Variants in CACNA2D2 observed in about 807,000 individuals in gnomAD.
The protein encoded by CACNA2D2 is voltage-dependent calcium channel subunit alpha-2/delta-2.
Under a neutral mutation model 166.4 loss-of-function variants are expected in CACNA2D2, and 48 were observed. That is an observed-to-expected ratio of 0.29 (90% CI 0.23 to 0.37). The LOEUF is 0.37. Ranked by LOEUF, CACNA2D2 falls within the 10% of genes least tolerant of loss-of-function variation. CACNA2D2 has a pLI of 1.00. For missense variants in CACNA2D2, 1,122 were observed against 1,433.0 expected (o/e 0.78, Z 3.50); for synonymous variants, 561 against 573.7 (o/e 0.98, Z 0.32).
At chr3:50,374,585 G>A (rs1704867933) in intron 22 of CACNA2D2, 152 bp downstream of exon 22, 8 of 716,158 alleles carry the variant, frequency 1.1e-5, no homozygotes, top group South Asian at 7.3e-5. Context: ...ACAGACTTTC[G>A]AGGTGCCCCA....
Position 50,379,208 on chromosome 3 carries a change from A to G in CACNA2D2, c.1153-9T>C. 6.2e-7 allele frequency: 1 copy of G among 1,606,338 alleles called. No individual in the cohort carries two copies. The highest frequency in any genetic ancestry group is 8.5e-7 in the Non-Finnish European group (1 of 1,173,142). On this transcript the variant is annotated splice_polypyrimidine_tract_variant and intron_variant, in intron 11 of 37. Coordinates refer to ENST00000424201, the MANE Select transcript of CACNA2D2 (RefSeq NM_006030.4). The surrounding 1 kb of genome is among the most constrained non-coding windows in gnomAD (Gnocchi z 6.5). ...GCCCGAGTGATGTTGGACTGAGGGG[A>G]GTGAGGCGGAGGCAGGCAGCTCTCA...
intron 2 of CACNA2D2, among the ~76,000 whole-genome samples, chr3:50,451,993 G>C (rs1709123830): frequency 1.3e-5 from 2 of 152,174 alleles, no homozygotes; most frequent in Non-Finnish European, 1.5e-5. Context: ...ATGCTGGGCT[G>C]CATCACCCAG....
chr3:50,483,821 G>C (rs968804555), intron 1 of CACNA2D2, among the ~76,000 whole-genome samples: 2 of 152,310 alleles, frequency 1.3e-5, no homozygotes, highest in African/African-American at 4.8e-5. Flanking sequence ...TGAGGCCTGA[G>C]CCAGTGGTGA....
chr3:50,461,687 G>A (rs1033563903), intron 2 of CACNA2D2, among the ~76,000 whole-genome samples: 34 of 151,146 alleles, frequency 2.2e-4, no homozygotes, highest in African/African-American at 7.0e-4. Flanking sequence ...CTTGAATCTG[G>A]GAGGCAGAGG....
intron 3 of CACNA2D2, among the ~76,000 whole-genome samples, chr3:50,422,504 G>A (rs1255264277): frequency 2.0e-5 from 3 of 152,156 alleles, no homozygotes; most frequent in Non-Finnish European, 4.4e-5. Context: ...CAAGTGACAG[G>A]GATCTTCCCT....
chr3:50,374,759 A>G lies in CACNA2D2; in HGVS notation c.1962T>C (p.Ser654=), dbSNP rs774570192. Residue 654 remains serine, a synonymous_variant, in exon 22 of 38, where the codon AGT becomes AGC. Coordinates refer to ENST00000424201, the MANE Select transcript of CACNA2D2 (RefSeq NM_006030.4). ...YSTFYLQANL[S]DQILQVKYFE... Reference sequence around the variant, plus strand: ...TACACTTGACCTGCAGGATCTGGTCACTGAGATTGGCTTGGAGGTAGAAGG... The same window carrying G: ...TACACTTGACCTGCAGGATCTGGTCGCTGAGATTGGCTTGGAGGTAGAAGG... 56 of 1,598,318 alleles carry G rather than the reference A, an allele frequency of 3.5e-5. No individual in the cohort carries two copies. The highest frequency in any genetic ancestry group is 4.6e-5 in the Non-Finnish European group (54 of 1,173,104).
At chr3:50,422,926 C>A (rs912119302) in intron 3 of CACNA2D2, among the ~76,000 whole-genome samples, 17 of 152,212 alleles carry the variant, frequency 1.1e-4, no homozygotes, top group Non-Finnish European at 1.8e-4. Flanking sequence ...TGCTACGCGG[C>A]CAACAGACCT....
intron 1 of CACNA2D2, among the ~76,000 whole-genome samples, chr3:50,484,135 C>G (rs535237606): frequency 6.6e-6 from 1 of 152,296 alleles, no homozygotes; most frequent in East Asian, 1.9e-4. Context: ...CTGATGGCAG[C>G]TCCCTCAGTT....
chr3:50,480,254 G>T (rs9827799), intron 1 of CACNA2D2, among the ~76,000 whole-genome samples: 1,648 of 152,292 alleles, frequency 0.011, 37 homozygotes, highest in African/African-American at 0.036. Context: ...CACTTCTGCC[G>T]CTGTGTGACC....
intron 2 of CACNA2D2, among the ~76,000 whole-genome samples, chr3:50,446,878 A>G (rs924990627): frequency 1.3e-5 from 2 of 152,188 alleles, no homozygotes; most frequent in African/African-American, 2.4e-5. Flanking sequence ...TTCGACTTGT[A>G]GGAAACCATC....
intron 1 of CACNA2D2, among the ~76,000 whole-genome samples, chr3:50,496,256 C>T (rs1698717763): frequency 6.6e-6 from 1 of 152,226 alleles, no homozygotes; most frequent in South Asian, 2.1e-4. Context: ...TATGCACATA[C>T]ACGCACACAC....
intron 1 of CACNA2D2, among the ~76,000 whole-genome samples, chr3:50,492,450 CA>C (rs1337697576): frequency 6.6e-6 from 1 of 152,254 alleles, no homozygotes; most frequent in African/African-American, 2.4e-5. Flanking sequence ...GCTGCTCCCC[CA>C]AACCCCAGGT....
intron 1 of CACNA2D2, among the ~76,000 whole-genome samples, chr3:50,494,431 T>C (rs1698644648): frequency 6.6e-6 from 1 of 152,098 alleles, no homozygotes; most frequent in African/African-American, 2.4e-5. Flanking sequence ...AGGCAGAGCA[T>C]GGGCCTCTAC....
intron 1 of CACNA2D2, among the ~76,000 whole-genome samples, chr3:50,500,449 C>T (rs976630472): frequency 1.3e-5 from 2 of 151,946 alleles, no homozygotes; most frequent in East Asian, 1.9e-4. Flanking sequence ...ACAAAAGAGG[C>T]GGGCAGGGAA....
chr3:50,377,780 C>G lies in CACNA2D2; in HGVS notation c.1503G>C (p.Gly501=), dbSNP rs973506803. Residue 501 remains glycine (G), a synonymous_variant, in exon 16 of 38, where the codon GGG becomes GGC. Coordinates refer to ENST00000424201, the MANE Select transcript of CACNA2D2 (RefSeq NM_006030.4). The part of the protein sequence containing the change: ...DALGLGLVVT[G]TLPVFNLTQD... ...GTGTCAGGTTGAAAACAGGGAGGGT[C>G]CCTGTTACCACCAACCCCAGTCCCT... 1.2e-6 allele frequency: 2 copies of G among 1,613,226 alleles called. No individual in the cohort carries two copies. The highest frequency in any genetic ancestry group is 2.7e-5 in the African/African-American group (2 of 74,916).
intron 1 of CACNA2D2, among the ~76,000 whole-genome samples, chr3:50,492,753 C>T (rs1013103496): frequency 6.6e-6 from 1 of 152,190 alleles, no homozygotes; most frequent in African/African-American, 2.4e-5. Flanking sequence ...GTAGGGCAGC[C>T]TCTGCAGAGG....
chr3:50,377,321 C>T, intron 17 of CACNA2D2, 146 bp downstream of exon 17: 1 of 655,456 alleles, frequency 1.5e-6, no homozygotes, highest in Non-Finnish European at 2.7e-6. Flanking sequence ...GTTCTAGACC[C>T]AAGGTCACCT....
At chr3:50,463,120 G>C (rs1709665815) in intron 2 of CACNA2D2, among the ~76,000 whole-genome samples, 1 of 152,148 alleles carries the variant, frequency 6.6e-6, no homozygotes, top group Non-Finnish European at 1.5e-5. Flanking sequence ...CACAGACCAG[G>C]CTCCTTAGAC....
At chr3:50,455,896 C>T (rs1274872313) in intron 2 of CACNA2D2, among the ~76,000 whole-genome samples, 1 of 152,122 alleles carries the variant, frequency 6.6e-6, no homozygotes, top group African/African-American at 2.4e-5. Context: ...CACATGCTCC[C>T]CCCATTCCTC....
Sources: allele counts gnomAD v4.1 joint callset (sites outside exome capture counted in the v4.1 genomes callset), GRCh38; gene constraint gnomAD v4.1.1; non-coding constraint Gnocchi (gnomAD v3.1); transcripts MANE v1.5; gene names NCBI Gene and HGNC (gene_info 2026-07-23, HGNC 2026-07-21).